CLIC5: variants seen among roughly 807,000 people sequenced by gnomAD.
CLIC5 encodes the protein chloride intracellular channel protein 5.
CLIC5 carries 20 observed loss-of-function variants against 24.7 expected under a neutral mutation model. That is an observed-to-expected ratio of 0.81 (90% CI 0.57 to 1.18). CLIC5 has a LOEUF of 1.18. CLIC5 is among the 50% of genes most tolerant of loss of function. CLIC5 has a pLI of 0.00. For missense variants in CLIC5, 341 were observed against 326.1 expected, an observed-to-expected ratio of 1.05 and a Z score of -0.35; for synonymous variants, 159 against 135.6, an observed-to-expected ratio of 1.17 and a Z score of -1.20.
chr6:45,909,880 A>G (rs577567527), intron 5 of CLIC5, among the ~76,000 whole-genome samples: 14 of 152,298 alleles, frequency 9.2e-5, no homozygotes, highest in Admixed American at 8.5e-4. Flanking sequence ...GGATCCTCCC[A>G]TTCAGAGAAG....
chr6:46,091,719 C>A, the CLIC5 span, among the ~76,000 whole-genome samples: 4 of 152,132 alleles, frequency 2.6e-5, no homozygotes, highest in Non-Finnish European at 5.9e-5. Flanking sequence ...AATATAATTC[C>A]ATTGTGTATA....
the CLIC5 span, among the ~76,000 whole-genome samples, chr6:46,085,979 C>G: frequency 6.6e-6 from 1 of 152,220 alleles, no homozygotes; most frequent in Admixed American, 6.5e-5. Context: ...TCGCTGCTGC[C>G]TTCCAGTTTG....
At chr6:46,104,356 A>G in the CLIC5 span, among the ~76,000 whole-genome samples, 4 of 152,248 alleles carry the variant, frequency 2.6e-5, no homozygotes, top group African/African-American at 7.2e-5. Flanking sequence ...ACAGGTGACC[A>G]TTCTAAAAAT....
intron 1 of CLIC5, among the ~76,000 whole-genome samples, chr6:45,981,549 C>G (rs1765568499): frequency 6.6e-6 from 1 of 152,142 alleles, no homozygotes; most frequent in South Asian, 2.1e-4. Context: ...TTTCTGTAAG[C>G]AGTTGATACT....
At chr6:46,007,527 C>T (rs1263399409) in intron 1 of CLIC5, among the ~76,000 whole-genome samples, 1 of 152,204 alleles carries the variant, frequency 6.6e-6, no homozygotes, top group African/African-American at 2.4e-5. Context: ...ACTCACTTGG[C>T]CTCCTGATGG....
intron 5 of CLIC5, among the ~76,000 whole-genome samples, chr6:45,908,451 T>C (rs1011195397): frequency 6.6e-6 from 1 of 152,152 alleles, no homozygotes; most frequent in South Asian, 2.1e-4. Context: ...TGCTACATCC[T>C]AGAGATTTTG....
At chr6:45,998,521 G>A (rs1217344569) in intron 1 of CLIC5, among the ~76,000 whole-genome samples, 1 of 152,166 alleles carries the variant, frequency 6.6e-6, no homozygotes, top group African/African-American at 2.4e-5. Context: ...CCTTTCTATG[G>A]ACCTGGCAAC....
chr6:46,065,053 A>G (rs1336163229), intron 1 of CLIC5, among the ~76,000 whole-genome samples: 1 of 152,206 alleles, frequency 6.6e-6, no homozygotes, highest in African/African-American at 2.4e-5. Flanking sequence ...TTGACTATAT[A>G]AAGAGGTTTT....
At chr6:46,079,636 GA>G in intron 1 of CLIC5, 1 of 1,348,450 alleles carries the variant, frequency 7.4e-7, no homozygotes, top group Non-Finnish European at 1.0e-6. Flanking sequence ...TGGTCATTCA[GA>G]GCAAAATAAA....
At chr6:46,036,890 A>G (rs568762938) in intron 1 of CLIC5, among the ~76,000 whole-genome samples, 1 of 152,334 alleles carries the variant, frequency 6.6e-6, no homozygotes, top group Non-Finnish European at 1.5e-5. Flanking sequence ...CAAATTCTCT[A>G]TCTCCTTACT....
At chr6:46,097,489 G>T in the CLIC5 span, 1 of 152,280 alleles carries the variant, frequency 6.6e-6, no homozygotes, top group Non-Finnish European at 1.5e-5. Context: ...CAGGGAAAAA[G>T]CTGTGTTCAG....
In CLIC5 at chr6:46,027,365, C is replaced by T. The variant is rs116531421; in HGVS notation, c.540+52338G>A. On this transcript the variant is annotated intron_variant, in intron 1 of 5. Transcript: ENST00000185206. ...AGATGGGAACAGCATGTATGATGGC[C>T]CTTAGGTGGGACAAAGCATTTTATG... 7.8e-3 allele frequency among the ~76,000 whole-genome samples: 1,181 copies of T among 152,200 alleles called. 7 individuals carry two copies. Among genetic ancestry groups the T allele is most frequent in the Non-Finnish European group, 0.011 (774 of 67,996 alleles).
At chr6:45,984,587 C>CAGAT (rs1207309428) in intron 1 of CLIC5, among the ~76,000 whole-genome samples, 2 of 152,182 alleles carry the variant, frequency 1.3e-5, no homozygotes, top group Non-Finnish European at 2.9e-5. Context: ...AAACAACATA[C>CAGAT]AGATGTTTGC....
intron 3 of CLIC5, among the ~76,000 whole-genome samples, chr6:45,943,499 C>T (rs1764199597): frequency 6.6e-6 from 1 of 152,228 alleles, no homozygotes; most frequent in African/African-American, 2.4e-5. Flanking sequence ...TCATCTCTTT[C>T]TATTTTGGCC....
At chr6:46,066,965 T>C (rs922378861) in intron 1 of CLIC5, among the ~76,000 whole-genome samples, 16 of 152,010 alleles carry the variant, frequency 1.1e-4, no homozygotes, top group African/African-American at 3.4e-4. Flanking sequence ...AGGTAGAGCA[T>C]GGTGGGAGAT....
At chr6:45,984,935 C>A (rs1765683063) in intron 1 of CLIC5, among the ~76,000 whole-genome samples, 1 of 152,180 alleles carries the variant, frequency 6.6e-6, no homozygotes, top group South Asian at 2.1e-4. Flanking sequence ...AACTGCCATC[C>A]TTGACGTCAT....
At chr6:46,117,922 T>C in the CLIC5 span, among the ~76,000 whole-genome samples, 47 of 152,338 alleles carry the variant, frequency 3.1e-4, no homozygotes, top group South Asian at 8.9e-3. Context: ...AAGGGTGTAT[T>C]CTGGATTCAG....
chr6:45,997,823 G>A (rs1353382538), intron 1 of CLIC5, among the ~76,000 whole-genome samples: 2 of 152,234 alleles, frequency 1.3e-5, no homozygotes, highest in African/African-American at 4.8e-5. Flanking sequence ...AGTGGCTAAT[G>A]TGAAAGTTAA....
intron 1 of CLIC5, among the ~76,000 whole-genome samples, chr6:45,992,803 T>C (rs1465024753): frequency 1.3e-5 from 2 of 152,192 alleles, no homozygotes; most frequent in Non-Finnish European, 2.9e-5. Flanking sequence ...TGTATGTATA[T>C]ATTTATGCCT....
Sources: gnomAD v4.1 joint callset for allele counts (sites outside exome capture counted in the v4.1 genomes callset) on GRCh38, gnomAD v4.1.1 for gene constraint, MANE v1.5 for transcripts, NCBI Gene and HGNC (gene_info 2026-07-23, HGNC 2026-07-21) for gene names.